The following MARCHF3 variants were observed in gnomAD, a reference collection of about 807,000 sequenced individuals.
The protein encoded by MARCHF3 is E3 ubiquitin-protein ligase MARCHF3.
Under a neutral mutation model 24.2 loss-of-function variants are expected in MARCHF3, and 13 were observed. The observed-to-expected ratio is 0.54, with a 90% confidence interval of 0.35 to 0.85. MARCHF3 has a LOEUF of 0.85. Ranked by LOEUF, MARCHF3 falls within the 40% of genes least tolerant of loss-of-function variation. The pLI, the probability that MARCHF3 is intolerant of heterozygous loss-of-function variation, is 0.01. For missense variants in MARCHF3, 276 were observed against 325.0 expected (o/e 0.85, Z 1.16); for synonymous variants, 144 against 137.3 (o/e 1.05, Z -0.34).
At chr5:126,888,807 C>T (rs767332815) in intron 3 of MARCHF3, among the ~76,000 whole-genome samples, 1 of 152,202 alleles carries the variant, frequency 6.6e-6, no homozygotes, top group African/African-American at 2.4e-5. Context: ...CTCTGTCACC[C>T]AGGCTGGAGT....
At chr5:127,029,417 G>C (rs1044431106) in intron 1 of MARCHF3, among the ~76,000 whole-genome samples, 1 of 152,196 alleles carries the variant, frequency 6.6e-6, no homozygotes, top group Admixed American at 6.5e-5. Flanking sequence ...ATATCGTATT[G>C]AATTCTGTTT....
Position 126,869,077 on chromosome 5 carries a change from T to TG in MARCHF3, c.*1555dup, listed in dbSNP as rs1235867892. 3.3e-5 allele frequency: 5 copies of TG among 152,228 alleles called. No homozygotes were observed. Among genetic ancestry groups the TG allele is most frequent in the Admixed American group, 2.6e-4 (4 of 15,288 alleles). 9.4% of individuals were successfully genotyped at this position (152,228 alleles called of 1,614,324 possible). A position where few individuals can be genotyped will look rare whatever the true frequency, so the allele number is the denominator to read the frequency against. ...AGCTGTTTCCCTCCCCAGGCAGCGC[T>TG]GGGAGCAGCCAGTGAATGGAGGGCT... On this transcript the variant is annotated 3_prime_UTR_variant, in exon 5 of 5. Transcript: ENST00000308660.
chr5:126,894,443 G>A (rs370420874), intron 3 of MARCHF3, among the ~76,000 whole-genome samples: 2,931 of 151,118 alleles, frequency 0.019, 61 homozygotes, highest in South Asian at 0.11. Flanking sequence ...TCCTTTCCAT[G>A]TTTAGCGCTT....
At chr5:126,994,508 G>A (rs1251197764) in intron 1 of MARCHF3, among the ~76,000 whole-genome samples, 1 of 152,180 alleles carries the variant, frequency 6.6e-6, no homozygotes. Context: ...TTTACGGCAT[G>A]TCAGTTCTAC....
chr5:126,954,682 T>C (rs568469195), intron 1 of MARCHF3, among the ~76,000 whole-genome samples: 152 of 151,550 alleles, frequency 1.0e-3, no homozygotes, highest in African/African-American at 3.4e-3. Context: ...CAGTTTCTTT[T>C]TTTTTTTTTT....
In MARCHF3 at chr5:126,868,614, T is replaced by C. The variant is rs946364719; in HGVS notation, c.*2019A>G. 1 of 152,208 alleles carries C rather than the reference T, an allele frequency of 6.6e-6. No homozygotes were observed. The highest frequency in any genetic ancestry group is 1.5e-5 in the Non-Finnish European group (1 of 68,060). 9.4% of individuals were successfully genotyped at this position (152,208 alleles called of 1,614,324 possible). ...AGCCAACCTTGACAGGAAATCATCC[T>C]GGAAATCCGCTGCTTCCTTAATTCA... On this transcript the variant is annotated 3_prime_UTR_variant, in exon 5 of 5. Coordinates refer to ENST00000308660, the MANE Select transcript of MARCHF3 (RefSeq NM_178450.5).
At chr5:126,878,013 A>G (rs931436492) in intron 4 of MARCHF3, among the ~76,000 whole-genome samples, 172 bp downstream of exon 4, 1 of 151,224 alleles carries the variant, frequency 6.6e-6, no homozygotes, top group East Asian at 1.9e-4. Flanking sequence ...CACACAGACA[A>G]ACACACACAC....
chr5:126,925,178 G>A (rs1375208483), intron 1 of MARCHF3, among the ~76,000 whole-genome samples: 1 of 152,136 alleles, frequency 6.6e-6, no homozygotes, highest in African/African-American at 2.4e-5. Flanking sequence ...TTGATTTGGG[G>A]GTAATGGCAT....
At chr5:126,914,347 T>C (rs1383319353) in intron 3 of MARCHF3, among the ~76,000 whole-genome samples, 1 of 152,136 alleles carries the variant, frequency 6.6e-6, no homozygotes, top group Non-Finnish European at 1.5e-5. Context: ...AAGTGAGATA[T>C]TTTCATTCAA....
At chr5:126,950,658 C>A (rs545636669) in intron 1 of MARCHF3, among the ~76,000 whole-genome samples, 7 of 152,320 alleles carry the variant, frequency 4.6e-5, no homozygotes, top group African/African-American at 1.7e-4. Flanking sequence ...TCTGGTAACT[C>A]TGCCTCTCTT....
At chr5:126,909,076 G>T (rs1006996441) in intron 3 of MARCHF3, among the ~76,000 whole-genome samples, 2 of 152,080 alleles carry the variant, frequency 1.3e-5, no homozygotes, top group South Asian at 4.2e-4. Context: ...TGGAGTACCC[G>T]GCCGTGTGAG....
At chr5:126,888,149 T>C (rs1354216118) in intron 3 of MARCHF3, among the ~76,000 whole-genome samples, 2 of 152,234 alleles carry the variant, frequency 1.3e-5, no homozygotes, top group East Asian at 1.9e-4. Context: ...AATGCATATA[T>C]AAGACCATTT....
At chr5:126,946,761 G>GGGGTGTGTGTGTGTGT (rs1186024076) in intron 1 of MARCHF3, among the ~76,000 whole-genome samples, 8 of 136,046 alleles carry the variant, frequency 5.9e-5, no homozygotes, top group East Asian at 2.2e-4. Flanking sequence ...TGTAAGTAGG[G>GGGGTGTGTGTGTGTGT]GTGTGTGTGT....
chr5:126,971,497 C>T (rs1484011687), intron 1 of MARCHF3, among the ~76,000 whole-genome samples: 1 of 151,456 alleles, frequency 6.6e-6, no homozygotes, highest in African/African-American at 2.4e-5. Context: ...TCTATGTTGA[C>T]CCTATCCCCA....
At chr5:126,932,536 G>T (rs1285542930) in intron 1 of MARCHF3, among the ~76,000 whole-genome samples, 1 of 152,220 alleles carries the variant, frequency 6.6e-6, no homozygotes, top group Non-Finnish European at 1.5e-5. Context: ...CTGGGCTGGG[G>T]AGGATGGGCC....
intron 1 of MARCHF3, among the ~76,000 whole-genome samples, chr5:127,024,638 A>G (rs1466973843): frequency 6.6e-6 from 1 of 152,252 alleles, no homozygotes; most frequent in Non-Finnish European, 1.5e-5. Context: ...TACCTGAAAT[A>G]TCACTGAAGG....
intron 4 of MARCHF3, among the ~76,000 whole-genome samples, chr5:126,873,147 G>T (rs1049184021): frequency 6.6e-6 from 1 of 152,108 alleles, no homozygotes; most frequent in African/African-American, 2.4e-5. Context: ...AGTGCAGGCC[G>T]CAGGCTCCGG....
chr5:126,909,349 C>T (rs1403704031), intron 3 of MARCHF3, among the ~76,000 whole-genome samples: 2 of 152,216 alleles, frequency 1.3e-5, no homozygotes, highest in Admixed American at 6.5e-5. Flanking sequence ...GGGCTCCACC[C>T]AGTTCAAGCT....
chr5:126,911,318 T>C (rs1433234384), intron 3 of MARCHF3, among the ~76,000 whole-genome samples: 1 of 152,180 alleles, frequency 6.6e-6, no homozygotes, highest in Non-Finnish European at 1.5e-5. Flanking sequence ...AAAAACTTGC[T>C]GGTTTTACGG....
Sources: gnomAD v4.1 joint callset for allele counts (sites outside exome capture counted in the v4.1 genomes callset) on GRCh38, gnomAD v4.1.1 for gene constraint, MANE v1.5 for transcripts, NCBI Gene and HGNC (gene_info 2026-07-23, HGNC 2026-07-21) for gene names.